The following DNM3 variants were observed in gnomAD, a reference collection of about 807,000 sequenced individuals.
DNM3 encodes dynamin-3.
In DNM3, 47 loss-of-function variants were observed where a neutral mutation model predicts 101.6. The ratio of observed to expected loss-of-function variants is 0.46; its 90% confidence interval spans 0.37 to 0.59. The LOEUF is 0.59. Among genes scored for constraint, DNM3 ranks in the 20% least tolerant of loss-of-function variants. The probability of loss-of-function intolerance (pLI) is 0.00; values close to 1 mark genes in which losing one functional copy is unlikely to be tolerated. For synonymous variants in DNM3, 385 were observed against 387.9 expected (o/e 0.99, Z 0.09); for missense variants, 849 against 1,085.7 (o/e 0.78, Z 3.06).
chr1:171,957,465 T>A (rs2042940762), intron 2 of DNM3, among the ~76,000 whole-genome samples: 1 of 152,210 alleles, frequency 6.6e-6, no homozygotes, highest in African/African-American at 2.4e-5. Flanking sequence ...CCCAAAGTGC[T>A]GGGATTACAG....
chr1:172,194,078 T>C (rs1157887250), intron 14 of DNM3, among the ~76,000 whole-genome samples: 2 of 152,162 alleles, frequency 1.3e-5, no homozygotes, highest in Admixed American at 6.6e-5. Flanking sequence ...TCTCATTGGT[T>C]TCAAAGAACA....
chr1:171,900,009 C>T (rs1490129699), intron 1 of DNM3, among the ~76,000 whole-genome samples: 1 of 152,180 alleles, frequency 6.6e-6, no homozygotes. Context: ...TATCCAGGCA[C>T]TGCAAGGAGT....
At chr1:172,021,327 C>T (rs2047837783) in intron 4 of DNM3, among the ~76,000 whole-genome samples, 1 of 151,358 alleles carries the variant, frequency 6.6e-6, no homozygotes, top group Non-Finnish European at 1.5e-5. Context: ...TTTTTAATTA[C>T]CCAAGTATGG....
At chr1:172,163,248 T>G (rs2058612581) in intron 14 of DNM3, among the ~76,000 whole-genome samples, 1 of 150,492 alleles carries the variant, frequency 6.6e-6, no homozygotes, top group Non-Finnish European at 1.5e-5. Context: ...TTTTTGTTTT[T>G]TTTTTTTTTT....
At chr1:172,047,360 C>G (rs1226210560) in intron 9 of DNM3, among the ~76,000 whole-genome samples, 1 of 152,148 alleles carries the variant, frequency 6.6e-6, no homozygotes, top group Non-Finnish European at 1.5e-5. Context: ...AAGGTCTCAG[C>G]AGCAAGACTG....
chr1:171,890,343 G>A (rs1474175925), intron 1 of DNM3, among the ~76,000 whole-genome samples: 1 of 152,076 alleles, frequency 6.6e-6, no homozygotes, highest in Non-Finnish European at 1.5e-5. Flanking sequence ...AGCATTTCTG[G>A]CCAAGCAGAA....
rs530584294 is a variant in DNM3 at position 172,350,974 on chromosome 1, A to G, written c.1893+27634A>G. 6.0e-4 allele frequency among the ~76,000 whole-genome samples: 91 copies of G among 152,288 alleles called. 1 individual carries two copies. In the South Asian group the frequency reaches 0.018, roughly 30 times the overall value. ...TTCTTCCTTTCTATGGCTGAAATTC[A>G]TTTGCATCCACTGACATCCTTTAAA... On this transcript the variant is annotated intron_variant, in intron 17 of 20. Coordinates refer to ENST00000627582, the MANE Select transcript of DNM3 (RefSeq NM_015569.5).
chr1:172,207,247 T>C (rs1466949410), intron 14 of DNM3, among the ~76,000 whole-genome samples: 1 of 152,068 alleles, frequency 6.6e-6, no homozygotes, highest in Non-Finnish European at 1.5e-5. Context: ...TCCAGTGTTA[T>C]ATTGACATTG....
chr1:172,007,729 C>G (rs570819579), intron 4 of DNM3, among the ~76,000 whole-genome samples: 7 of 151,984 alleles, frequency 4.6e-5, no homozygotes, highest in Non-Finnish European at 1.0e-4. Flanking sequence ...TTCTTTTATG[C>G]TTTTATCTAG....
intron 2 of DNM3, among the ~76,000 whole-genome samples, chr1:171,925,656 C>A (rs1428285258): frequency 6.6e-6 from 1 of 152,052 alleles, no homozygotes; most frequent in African/African-American, 2.4e-5. Flanking sequence ...TCCTGTAGAT[C>A]GTCTGTTTAC....
At chr1:171,888,133 A>G (rs1355908326) in intron 1 of DNM3, among the ~76,000 whole-genome samples, 7 of 150,188 alleles carry the variant, frequency 4.7e-5, no homozygotes, top group Non-Finnish European at 5.9e-5. Flanking sequence ...ACAATTATAT[A>G]TTAAGAATCT....
intron 10 of DNM3, among the ~76,000 whole-genome samples, chr1:172,057,286 G>A (rs2125895787): frequency 6.6e-6 from 1 of 152,312 alleles, no homozygotes; most frequent in Non-Finnish European, 1.5e-5. Flanking sequence ...TATTATCCAG[G>A]AGAACTTCCC....
chr1:172,070,391 A>C (rs2052067667), intron 11 of DNM3, among the ~76,000 whole-genome samples: 1 of 152,226 alleles, frequency 6.6e-6, no homozygotes, highest in Non-Finnish European at 1.5e-5. Context: ...ACCTTAAGTA[A>C]ATAAGCTAAC....
intron 13 of DNM3, among the ~76,000 whole-genome samples, chr1:172,127,315 T>A (rs1413372170): frequency 6.6e-6 from 1 of 151,976 alleles, no homozygotes; most frequent in East Asian, 1.9e-4. Flanking sequence ...TTCTCTTTGC[T>A]GTTCATGTTA....
chr1:171,988,625 T>C lies in DNM3; in HGVS notation c.386-320T>C, dbSNP rs554437630. Among the ~76,000 whole-genome samples the C allele has an allele frequency of 3.9e-5, 6 of 152,306 alleles. No individual in the cohort carries two copies. In the East Asian group the frequency reaches 1.2e-3, roughly 29 times the overall value. On this transcript the variant is annotated intron_variant, in intron 3 of 20. Transcript: ENST00000627582. Reference sequence around the variant, plus strand: ...GAAGGCAATGTATAAGACTGGCAGATAGCATATGCATTTCTCATTTGGTGT... The same window carrying C: ...GAAGGCAATGTATAAGACTGGCAGACAGCATATGCATTTCTCATTTGGTGT...
downstream of DNM3, among the ~76,000 whole-genome samples, chr1:172,413,856 T>TGTACC (rs1257986099): frequency 3.9e-5 from 6 of 152,248 alleles, no homozygotes; most frequent in South Asian, 1.0e-3. Context: ...GTGGAACATC[T>TGTACC]GTACCTTCAA....
At chr1:172,241,526 T>A (rs2061749114) in intron 14 of DNM3, among the ~76,000 whole-genome samples, 1 of 152,136 alleles carries the variant, frequency 6.6e-6, no homozygotes, top group Non-Finnish European at 1.5e-5. Context: ...GAATCAACTC[T>A]AGCTAGTTTA....
At chr1:171,921,663 G>C in intron 1 of DNM3, 85 bp from the exon 2 acceptor site, 1 of 1,063,268 alleles carries the variant, frequency 9.4e-7, no homozygotes, top group South Asian at 1.4e-5. Flanking sequence ...TGGGAATTAG[G>C]AGAATTGCTG....
intron 13 of DNM3, among the ~76,000 whole-genome samples, chr1:172,109,678 A>AAAATCCC (rs2055315895): frequency 1.3e-5 from 2 of 152,240 alleles, no homozygotes; most frequent in African/African-American, 4.8e-5. Flanking sequence ...TTAACAAAAT[A>AAAATCCC]GCTGCTCTGG....
Sources: gnomAD v4.1 joint callset for allele counts (sites outside exome capture counted in the v4.1 genomes callset) on GRCh38, gnomAD v4.1.1 for gene constraint, MANE v1.5 for transcripts, NCBI Gene and HGNC (gene_info 2026-07-23, HGNC 2026-07-21) for gene names.